Variants in RRM1 observed in about 807,000 individuals in gnomAD.
RRM1 encodes the protein ribonucleoside-diphosphate reductase large subunit.
A neutral mutation model predicts 101.5 loss-of-function variants in RRM1; 19 were observed. The ratio of observed to expected loss-of-function variants is 0.19; its 90% CI spans 0.13 to 0.27. The LOEUF is 0.27. Among genes scored for constraint, RRM1 ranks in the 10% least tolerant of loss-of-function variants. RRM1 has a pLI of 1.00. For missense variants in RRM1, 500 were observed against 962.9 expected, an observed-to-expected ratio of 0.52 and a Z score of 6.36; for synonymous variants, 298 against 323.4, an observed-to-expected ratio of 0.92 and a Z score of 0.84.
intron 15 of RRM1, among the ~76,000 whole-genome samples, chr11:4,130,086 A>ATTTTTT (rs796657105): frequency 1.0e-5 from 1 of 99,482 alleles, no homozygotes; most frequent in African/African-American, 5.4e-5. Flanking sequence ...ATATATATAT[A>ATTTTTT]TTTTTTTTTT....
chr11:4,119,807 A>T lies in RRM1; in HGVS notation c.793-38A>T, dbSNP rs752898229. ...GGCCATTTTTTTCTTTTCTTTGCTG[A>T]GTGCCCTCTGTCATTTCTATCATGG... On this transcript the variant is annotated intron_variant, in intron 8 of 18. Transcript: ENST00000300738. The T allele has an allele frequency of 1.3e-5, 17 of 1,264,664 alleles. No homozygotes were observed. In the Admixed American group the frequency reaches 3.0e-4, roughly 22 times the overall value. The allele number at this position is 1,264,664 out of a possible 1,614,324, so 78.3% of individuals were successfully genotyped here.
intron 18 of RRM1, among the ~76,000 whole-genome samples, chr11:4,137,488 G>A (rs1240245674): frequency 2.7e-5 from 3 of 111,076 alleles, no homozygotes; most frequent in African/African-American, 1.1e-4. Context: ...GGCTGGCCGG[G>A]CCGGGGGCTG....
At chr11:4,104,779 T>G (rs2268166) in intron 2 of RRM1, among the ~76,000 whole-genome samples, 8,471 of 152,216 alleles carry the variant, frequency 0.056, 251 homozygotes, top group African/African-American at 0.086. Context: ...CTTTGTAATT[T>G]GTGAAGTGCT....
At chr11:4,123,753 G>C (rs2094585327) in intron 12 of RRM1, among the ~76,000 whole-genome samples, 1 of 152,072 alleles carries the variant, frequency 6.6e-6, no homozygotes, top group African/African-American at 2.4e-5. Context: ...GGCTGCAGTG[G>C]GCTGAGATTG....
At position 4,102,980 on chromosome 11, in the gene RRM1, C is replaced by A. The variant is rs564761624; in HGVS notation, c.108+899C>A. On this transcript the variant is annotated intron_variant, in intron 2 of 18. Coordinates refer to ENST00000300738, the MANE Select transcript of RRM1 (RefSeq NM_001033.5). Reference sequence around the variant, plus strand: ...TCCACCTGACTTCTAAAATGATCTTCCTTAAATGAGAATCTCTAAGAACTC... The same window carrying A: ...TCCACCTGACTTCTAAAATGATCTTACTTAAATGAGAATCTCTAAGAACTC... 2.0e-4 allele frequency among the ~76,000 whole-genome samples: 30 copies of A among 152,344 alleles called. 1 individual carries two copies. In the South Asian group the frequency reaches 5.8e-3, roughly 29 times the overall value.
At chr11:4,127,610 A>G (rs2094591985) in intron 14 of RRM1, among the ~76,000 whole-genome samples, 1 of 152,152 alleles carries the variant, frequency 6.6e-6, no homozygotes, top group Admixed American at 6.5e-5. Context: ...GTGCCTCTGG[A>G]GGGAGTGTGG....
chr11:4,105,307 T>G (rs2094556795), intron 2 of RRM1, among the ~76,000 whole-genome samples: 1 of 151,022 alleles, frequency 6.6e-6, no homozygotes, highest in Non-Finnish European at 1.5e-5. Context: ...GATAGCTCAG[T>G]GCAGTCTTGA....
chr11:4,111,186 T>C (rs1451468887), intron 5 of RRM1, among the ~76,000 whole-genome samples: 4 of 151,970 alleles, frequency 2.6e-5, no homozygotes, highest in African/African-American at 9.7e-5. Context: ...TAAAAAGTTT[T>C]TTTTAAAAAA....
intron 3 of RRM1, among the ~76,000 whole-genome samples, chr11:4,106,609 G>A (rs369583883): frequency 2.6e-5 from 4 of 152,078 alleles, no homozygotes; most frequent in Non-Finnish European, 5.9e-5. Flanking sequence ...TTAGCTGGGC[G>A]TGGTGGTGGG....
At chr11:4,122,518 C>A (rs895034559) in intron 11 of RRM1, among the ~76,000 whole-genome samples, 1 of 152,114 alleles carries the variant, frequency 6.6e-6, no homozygotes, top group Admixed American at 6.5e-5. Flanking sequence ...TTTTGATAAG[C>A]TATGCTTTAT....
At chr11:4,122,099 A>G in intron 10 of RRM1, 42 bp from the exon 11 acceptor site, 15 of 1,463,216 alleles carry the variant, frequency 1.0e-5, no homozygotes, top group Non-Finnish European at 1.3e-5. Flanking sequence ...ATGGTTGGCT[A>G]TTTGAAGTTT....
chr11:4,103,185 T>C (rs1284169676), intron 2 of RRM1, among the ~76,000 whole-genome samples: 2 of 152,372 alleles, frequency 1.3e-5, no homozygotes, highest in East Asian at 3.9e-4. Context: ...CTGTGTATCT[T>C]ATTCTTGTGA....
chr11:4,133,559 T>G lies in RRM1; in HGVS notation c.1906-4T>G. On this transcript the variant is annotated splice_polypyrimidine_tract_variant and splice_region_variant and intron_variant, in intron 16 of 18. Coordinates refer to ENST00000300738, the MANE Select transcript of RRM1 (RefSeq NM_001033.5). ...CTTCATACATTTTCTGCTTTTCCAT[T>G]CAGATTGTAAATCCTCACTTATTGA... The G allele has an allele frequency of 1.3e-6, 2 of 1,592,792 alleles. No individual in the cohort carries two copies. Among genetic ancestry groups the G allele is most frequent in the Non-Finnish European group, 1.7e-6 (2 of 1,163,330 alleles).
At chr11:4,114,843 G>A (rs2094570523) in intron 7 of RRM1, among the ~76,000 whole-genome samples, 1 of 152,024 alleles carries the variant, frequency 6.6e-6, no homozygotes, top group South Asian at 2.1e-4. Context: ...TTTACAAATA[G>A]TTGGGATTAC....
Position 4,127,038 on chromosome 11 carries a change from T to C in RRM1, c.1474T>C (p.Cys492Arg), listed in dbSNP as rs1317344219. 4 of 1,605,938 alleles carry C rather than the reference T, an allele frequency of 2.5e-6. No homozygotes were observed. The highest frequency in any genetic ancestry group is 2.7e-5 in the African/African-American group (2 of 74,346). Reference protein sequence around the residue: ...DINYYPVPEACLSNKRHRPIG... With the variant: ...DINYYPVPEARLSNKRHRPIG... ...TTTAAAATCTGTTGACACAAAGGCA[T>C]GCCTATCAAATAAACGCCATCGCCC... Residue 492 changes from cysteine (C) to arginine (R), a missense_variant, in exon 14 of 19, where the codon TGC becomes CGC. Around this residue, in one of 9 missense-constraint regions of RRM1, gnomAD observed 106 missense variants for 138.1 expected, o/e 0.77. Coordinates refer to ENST00000300738, the MANE Select transcript of RRM1 (RefSeq NM_001033.5).
intron 1 of RRM1, among the ~76,000 whole-genome samples, chr11:4,095,337 C>T (rs1469166492): frequency 1.3e-5 from 2 of 152,248 alleles, no homozygotes; most frequent in Non-Finnish European, 2.9e-5. Flanking sequence ...CTATTTTATT[C>T]CTCCCTGCAA....
intron 12 of RRM1, among the ~76,000 whole-genome samples, chr11:4,125,364 A>G (rs988475778): frequency 6.6e-6 from 1 of 152,186 alleles, no homozygotes; most frequent in African/African-American, 2.4e-5. Flanking sequence ...GAATGGAGTC[A>G]TATAATATGT....
intron 12 of RRM1, among the ~76,000 whole-genome samples, chr11:4,125,300 A>G (rs905239822): frequency 1.3e-5 from 2 of 152,034 alleles, no homozygotes; most frequent in Non-Finnish European, 2.9e-5. Context: ...GCCCTTGACA[A>G]CCACTAATAT....
chr11:4,115,704 G>A (rs1259022351), intron 7 of RRM1, among the ~76,000 whole-genome samples: 8 of 152,008 alleles, frequency 5.3e-5, no homozygotes, highest in African/African-American at 9.6e-5. Flanking sequence ...TTACAGGCAC[G>A]CGCCACCACA....
Sources: allele counts gnomAD v4.1 joint callset (sites outside exome capture counted in the v4.1 genomes callset), GRCh38; gene constraint gnomAD v4.1.1; regional missense constraint gnomAD v4.1.1; transcripts MANE v1.5; gene names NCBI Gene and HGNC (gene_info 2026-07-23, HGNC 2026-07-21).